CYS1: variants seen among roughly 807,000 people sequenced by gnomAD.
The protein encoded by CYS1 is cystin 1, also known as cystin-1.
CYS1 carries 5 observed loss-of-function variants against 9.6 expected under a neutral mutation model. That is an observed-to-expected ratio of 0.52 (90% CI 0.27 to 1.10). The LOEUF is 1.10. CYS1 is among the 50% of genes least tolerant of loss of function. CYS1 has a pLI of 0.11. For synonymous variants in CYS1, 88 were observed against 95.7 expected (o/e 0.92, Z 0.47); for missense variants, 221 against 207.9 (o/e 1.06, Z -0.39).
At position 10,056,524 on chromosome 2, in the gene CYS1, T is replaced by C. The variant is rs1661550210; in HGVS notation, c.*2329A>G. ...ACAACAACGTGCGTCATTTTTGCCT[T>C]TGAGATGTGTTTCTTTCTGCCTCCA... On this transcript the variant is annotated 3_prime_UTR_variant, in exon 3 of 3. Coordinates refer to ENST00000381813, the MANE Select transcript of CYS1 (RefSeq NM_001037160.3). 6.6e-6 allele frequency among the ~76,000 whole-genome samples: 1 copy of C among 152,248 alleles called. No homozygotes were observed. The highest frequency in any genetic ancestry group is 2.4e-5 in the African/African-American group (1 of 41,478).
intron 1 of CYS1, among the ~76,000 whole-genome samples, chr2:10,075,266 G>A (rs180930328): frequency 3.3e-4 from 50 of 152,280 alleles, no homozygotes; most frequent in Non-Finnish European, 5.1e-4. Context: ...CTTCTGCCTC[G>A]GGTGGGATTC....
intron 2 of CYS1, among the ~76,000 whole-genome samples, chr2:10,059,495 G>A (rs1019212774): frequency 2.0e-5 from 3 of 152,138 alleles, no homozygotes; most frequent in Non-Finnish European, 2.9e-5. Flanking sequence ...TCAGGAATTC[G>A]AGACCAGCCT....
At chr2:10,070,294 T>A (rs1258400425) in intron 1 of CYS1, among the ~76,000 whole-genome samples, 1 of 152,190 alleles carries the variant, frequency 6.6e-6, no homozygotes, top group Non-Finnish European at 1.5e-5. Flanking sequence ...TGGCTTTGCC[T>A]TGACCTCTAT....
At chr2:10,069,029 TC>T (rs1343676024) in intron 1 of CYS1, among the ~76,000 whole-genome samples, 4 of 151,410 alleles carry the variant, frequency 2.6e-5, no homozygotes, top group African/African-American at 9.7e-5. Context: ...ACCACTGCAC[TC>T]CAGCCTGGGT....
chr2:10,061,104 C>T (rs1434181565), intron 2 of CYS1, among the ~76,000 whole-genome samples: 6 of 152,128 alleles, frequency 3.9e-5, no homozygotes, highest in East Asian at 1.9e-4. Flanking sequence ...TGGTGGCATG[C>T]GCCTGTAGTC....
intron 1 of CYS1, among the ~76,000 whole-genome samples, chr2:10,067,013 T>A (rs1661706836): frequency 6.6e-6 from 1 of 152,204 alleles, no homozygotes; most frequent in Non-Finnish European, 1.5e-5. Flanking sequence ...TATCTCTTTT[T>A]ATTTTATTTA....
chr2:10,070,928 G>T (rs1018913227), intron 1 of CYS1, among the ~76,000 whole-genome samples: 2 of 151,914 alleles, frequency 1.3e-5, no homozygotes, highest in Admixed American at 1.3e-4. Flanking sequence ...TTACAGGCAT[G>T]GTGAGCCACC....
At chr2:10,073,790 T>G (rs542494435) in intron 1 of CYS1, among the ~76,000 whole-genome samples, 1 of 152,216 alleles carries the variant, frequency 6.6e-6, no homozygotes, top group Admixed American at 6.5e-5. Context: ...GCCGACATCC[T>G]CCTTTCCACG....
At chr2:10,069,957 C>A (rs1392432798) in intron 1 of CYS1, among the ~76,000 whole-genome samples, 1 of 152,240 alleles carries the variant, frequency 6.6e-6, no homozygotes, top group Admixed American at 6.5e-5. Context: ...TAAGTCAGAG[C>A]TGCCTGTGAG....
intron 1 of CYS1, among the ~76,000 whole-genome samples, chr2:10,066,371 G>A (rs909414391): frequency 4.0e-5 from 6 of 148,922 alleles, no homozygotes; most frequent in Admixed American, 2.0e-4. Flanking sequence ...AGGGATCTTG[G>A]GACCCACTGC....
intron 2 of CYS1, among the ~76,000 whole-genome samples, chr2:10,062,856 A>G (rs1276455280): frequency 6.6e-6 from 1 of 152,234 alleles, no homozygotes; most frequent in African/African-American, 2.4e-5. Flanking sequence ...TGGGTACTCA[A>G]CAAGCATTTG....
chr2:10,072,373 G>A (rs764169745), intron 1 of CYS1, among the ~76,000 whole-genome samples: 8 of 152,288 alleles, frequency 5.3e-5, no homozygotes, highest in Non-Finnish European at 1.0e-4. Context: ...GTGAGCCACC[G>A]TGCCCGTGCC....
chr2:10,057,973 G>A lies in CYS1; in HGVS notation c.*880C>T, dbSNP rs1409838750. ...AGGAAGAGAATTTAAAAGCCCCGCA[G>A]GCACTGGCCAGGCTGCCTGTGAGAG... On this transcript the variant is annotated 3_prime_UTR_variant, in exon 3 of 3. Coordinates refer to ENST00000381813, the MANE Select transcript of CYS1 (RefSeq NM_001037160.3). 1 of 152,364 alleles carries A rather than the reference G, an allele frequency of 6.6e-6. No individual in the cohort carries two copies. Among genetic ancestry groups the A allele is most frequent in the East Asian group, 1.9e-4 (1 of 5,178 alleles). The allele number at this position is 152,364 out of a possible 1,614,324, so 9.4% of individuals were successfully genotyped here.
rs1474775496 is a variant in CYS1 at position 10,073,212 on chromosome 2, C to A, written c.318+6694G>T. Among the ~76,000 whole-genome samples the A allele has an allele frequency of 7.8e-4, 2 of 2,570 alleles. 1 individual carries two copies. The highest frequency in any genetic ancestry group is 2.2e-3 in the Non-Finnish European group (2 of 928). 1.7% of individuals were successfully genotyped at this position (2,570 alleles called of 152,430 possible). The stretch of plus-strand genomic sequence containing the variant: ...GTGACAAGGGGCTCTGGGAACCGCC[C>A]CCCCCCCCCCCCCGGCTGTGGGCTG... On this transcript the variant is annotated intron_variant, in intron 1 of 2. Transcript: ENST00000381813.
chr2:10,061,666 C>A (rs1661629305), intron 2 of CYS1, among the ~76,000 whole-genome samples: 1 of 152,186 alleles, frequency 6.6e-6, no homozygotes, highest in East Asian at 1.9e-4. Flanking sequence ...GGGACTGGCG[C>A]AAGGGAAGCT....
At chr2:10,079,282 G>C (rs867200688) in intron 1 of CYS1, among the ~76,000 whole-genome samples, 2 of 152,116 alleles carry the variant, frequency 1.3e-5, no homozygotes, top group South Asian at 4.1e-4. Context: ...GGAGGAGGAC[G>C]AGGCCCTTGG....
chr2:10,074,938 C>T (rs1661821941), intron 1 of CYS1, among the ~76,000 whole-genome samples: 1 of 152,076 alleles, frequency 6.6e-6, no homozygotes, highest in Non-Finnish European at 1.5e-5. Flanking sequence ...ATGGCGAAAC[C>T]CCGTCTCTAC....
At chr2:10,072,170 G>A (rs1661776679) in intron 1 of CYS1, among the ~76,000 whole-genome samples, 1 of 151,600 alleles carries the variant, frequency 6.6e-6, no homozygotes, top group East Asian at 1.9e-4. Context: ...TGCAACCTCT[G>A]CTCCTGGGTT....
Position 10,058,935 on chromosome 2 carries a change from T to C in CYS1, c.395A>G (p.Lys132Arg). The change falls in exon 3 of 3, where the codon AAG becomes AGG. Residue 132 changes from lysine (K) to arginine (R), a missense_variant. Lys to Arg is a conservative substitution (Grantham distance 26). Coordinates refer to ENST00000381813, the MANE Select transcript of CYS1 (RefSeq NM_001037160.3). Reference sequence around the variant, plus strand: ...GGAGATGGCTGCCGGCCTCTCGGGCTTCTTGCGACCGCTGCCTGGGGCTCT... The same window carrying C: ...GGAGATGGCTGCCGGCCTCTCGGGCCTCTTGCGACCGCTGCCTGGGGCTCT... ...VSEAPGSGRK[K>R]PERPAAISYD... 2 of 1,591,864 alleles carry C rather than the reference T, an allele frequency of 1.3e-6. No individual in the cohort carries two copies. Among genetic ancestry groups the C allele is most frequent in the South Asian group, 1.1e-5 (1 of 87,474 alleles).
Sources: gnomAD v4.1 joint callset for allele counts (sites outside exome capture counted in the v4.1 genomes callset) on GRCh38, gnomAD v4.1.1 for gene constraint, MANE v1.5 for transcripts, NCBI Gene and HGNC (gene_info 2026-07-23, HGNC 2026-07-21) for gene names.